RTN4: variants seen among roughly 807,000 people sequenced by gnomAD.
The protein encoded by RTN4 is reticulon-4.
RTN4 carries 32 observed loss-of-function variants against 90.4 expected under a neutral mutation model. The ratio of observed to expected loss-of-function variants is 0.35; its 90% confidence interval spans 0.27 to 0.48. RTN4 has a LOEUF of 0.48. RTN4 is among the 20% of genes least tolerant of loss of function. RTN4 has a pLI of 0.99. For synonymous variants in RTN4, 629 were observed against 552.5 expected (o/e 1.14, Z -1.94); for missense variants, 1,706 against 1,430.2 (o/e 1.19, Z -3.11).
intron 3 of RTN4, among the ~76,000 whole-genome samples, chr2:55,013,461 T>A (rs1680790032): frequency 6.6e-6 from 1 of 152,102 alleles, no homozygotes; most frequent in Admixed American, 6.5e-5. Context: ...CCTACACGGT[T>A]TCTTTTCTCA....
intron 3 of RTN4, among the ~76,000 whole-genome samples, chr2:55,003,143 C>A: frequency 6.6e-6 from 1 of 152,116 alleles, no homozygotes; most frequent in Non-Finnish European, 1.5e-5. Flanking sequence ...GAGCTCAAAG[C>A]AAATTACTAG....
At chr2:55,085,219 T>A (rs78306729) in intron 1 of RTN4, among the ~76,000 whole-genome samples, 201 of 152,346 alleles carry the variant, frequency 1.3e-3, no homozygotes, top group African/African-American at 4.6e-3. Context: ...AGGAGATATA[T>A]ACACACACAT....
At chr2:55,045,239 T>C (rs950172363) in intron 1 of RTN4, among the ~76,000 whole-genome samples, 1 of 152,242 alleles carries the variant, frequency 6.6e-6, no homozygotes, top group Non-Finnish European at 1.5e-5. Context: ...TCTCTGAAAC[T>C]GATTTAATAA....
At chr2:55,085,710 G>GA (rs1416896736) in intron 1 of RTN4, among the ~76,000 whole-genome samples, 1 of 152,008 alleles carries the variant, frequency 6.6e-6, no homozygotes, top group African/African-American at 2.4e-5. Context: ...AATCTACATA[G>GA]AAAAAAATGA....
At chr2:54,990,436 T>C (rs1012516314) in intron 3 of RTN4, among the ~76,000 whole-genome samples, 5 of 152,208 alleles carry the variant, frequency 3.3e-5, no homozygotes, top group African/African-American at 4.8e-5. Context: ...TGAGATGTGA[T>C]TCACTAGATT....
At chr2:54,989,418 C>T (rs568973894) in intron 3 of RTN4, among the ~76,000 whole-genome samples, 230 of 152,312 alleles carry the variant, frequency 1.5e-3, no homozygotes, top group African/African-American at 5.5e-3. Flanking sequence ...GCGCTTAGTG[C>T]TATTCCACTA....
Position 55,050,278 on chromosome 2 carries a change from G to A in RTN4, c.23C>T (p.Pro8Leu). 1 of 1,486,860 alleles carries A rather than the reference G, an allele frequency of 6.7e-7. No individual in the cohort carries two copies. Among genetic ancestry groups the A allele is most frequent in the Non-Finnish European group, 8.9e-7 (1 of 1,118,578 alleles). 92.1% of individuals were successfully genotyped at this position (1,486,860 alleles called of 1,614,324 possible). ...TGGGCTGTCCGAGGACGAGACCAGA[G>A]GAGACTGGTCCAGGTCTTCCATGGC... MEDLDQS[P>L]LVSSSDSPPR... The change falls in exon 1 of 9, where the codon CCT becomes CTT. Residue 8 changes from proline to leucine, a missense_variant. Transcript: ENST00000337526. This position sits in a 1 kb window ranked among gnomAD's most constrained non-coding sequence, Gnocchi z 4.6.
intron 3 of RTN4, among the ~76,000 whole-genome samples, chr2:55,007,113 A>G (rs769669300): frequency 3.3e-5 from 5 of 152,110 alleles, no homozygotes; most frequent in Non-Finnish European, 5.9e-5. Context: ...AAGGACTGTC[A>G]TTGCCAATAT....
Position 54,973,029 on chromosome 2 carries a change from A to G in RTN4, c.*127T>C. On this transcript the variant is annotated 3_prime_UTR_variant, in exon 9 of 9. Coordinates refer to ENST00000337526, the MANE Select transcript of RTN4 (RefSeq NM_020532.5). The stretch of plus-strand genomic sequence containing the variant: ...CTCACAACAGTGCATGGCTAAAAAT[A>G]AAGATCTAACAACGATCTGTGAAAC... 1.4e-6 allele frequency: 1 copy of G among 709,038 alleles called. No homozygotes were observed. The highest frequency in any genetic ancestry group is 2.7e-5 in the Admixed American group (1 of 37,550). 43.9% of individuals were successfully genotyped at this position (709,038 alleles called of 1,614,324 possible).
At chr2:55,082,404 C>A (rs1227585319) in intron 1 of RTN4, among the ~76,000 whole-genome samples, 1 of 152,176 alleles carries the variant, frequency 6.6e-6, no homozygotes, top group Admixed American at 6.5e-5. Flanking sequence ...TCAGGAGCAG[C>A]CACCACAAAC....
chr2:55,096,059 TGGCTCACGCCTGTTCCTA>T, intron 1 of RTN4, among the ~76,000 whole-genome samples: 1 of 152,268 alleles, frequency 6.6e-6, no homozygotes, highest in Middle Eastern at 3.4e-3. Context: ...CCGGGTATGG[TGGCTCACGCCTGTTCCTA>T]GCACTTTGGG....
chr2:54,974,116 T>C (rs1677398199), intron 6 of RTN4: 1 of 417,100 alleles, frequency 2.4e-6, no homozygotes, highest in Non-Finnish European at 4.3e-6. Flanking sequence ...CAGTGAGATT[T>C]CATAAAATAA....
chr2:55,087,269 T>G (rs753610775), intron 1 of RTN4, among the ~76,000 whole-genome samples: 1 of 152,200 alleles, frequency 6.6e-6, no homozygotes, highest in Non-Finnish European at 1.5e-5. Context: ...CTGCATGCAT[T>G]CATTTTTACT....
intron 3 of RTN4, among the ~76,000 whole-genome samples, chr2:54,996,189 C>T (rs574572072): frequency 1.3e-5 from 2 of 152,058 alleles, no homozygotes; most frequent in African/African-American, 4.8e-5. Flanking sequence ...AACACACTGT[C>T]GAAAGAAATT....
chr2:55,064,284 C>T (rs1255177917), intron 2 of RTN4, among the ~76,000 whole-genome samples: 1 of 150,624 alleles, frequency 6.6e-6, no homozygotes, highest in African/African-American at 2.4e-5. Flanking sequence ...CATCTAGAGT[C>T]ATCCCAGACC....
intron 1 of RTN4, among the ~76,000 whole-genome samples, chr2:55,095,970 A>C (rs745980535): frequency 1.3e-5 from 2 of 152,168 alleles, no homozygotes; most frequent in Admixed American, 1.3e-4. Context: ...CTAATGGGAC[A>C]GTGGTTATGG....
intron 5 of RTN4, among the ~76,000 whole-genome samples, chr2:54,981,137 T>C (rs1678084768): frequency 6.6e-6 from 1 of 152,216 alleles, no homozygotes; most frequent in African/African-American, 2.4e-5. Context: ...TTACCCTTGA[T>C]GTTATTAGGA....
chr2:55,110,795 C>T (rs1204142990), intron 1 of RTN4, among the ~76,000 whole-genome samples: 1 of 152,222 alleles, frequency 6.6e-6, no homozygotes, highest in African/African-American at 2.4e-5. Flanking sequence ...AATCCCAGCA[C>T]TTTGGGAGGC....
chr2:55,013,377 A>C (rs1400185444), intron 3 of RTN4, among the ~76,000 whole-genome samples: 1 of 152,138 alleles, frequency 6.6e-6, no homozygotes, highest in Non-Finnish European at 1.5e-5. Context: ...ACTTGCCCAA[A>C]TACATATCCA....
Sources: allele counts gnomAD v4.1 joint callset (sites outside exome capture counted in the v4.1 genomes callset), GRCh38; gene constraint gnomAD v4.1.1; non-coding constraint Gnocchi (gnomAD v3.1); transcripts MANE v1.5; gene names NCBI Gene and HGNC (gene_info 2026-07-23, HGNC 2026-07-21).